AGAP1: variants seen among roughly 807,000 people sequenced by gnomAD.
AGAP1 encodes ArfGAP with GTPase domain, ankyrin repeat and PH domain 1.
A neutral mutation model predicts 105.3 loss-of-function variants in AGAP1; 29 were observed. The observed-to-expected ratio is 0.28, with a 90% CI of 0.21 to 0.38. The LOEUF is 0.38. Among genes scored for constraint, AGAP1 ranks in the 10% least tolerant of loss-of-function variants. The pLI is 1.00. For synonymous variants in AGAP1, 509 were observed against 485.9 expected, an observed-to-expected ratio of 1.05 and a Z score of -0.63; for missense variants, 998 against 1,165.1, an observed-to-expected ratio of 0.86 and a Z score of 2.09.
intron 10 of AGAP1, among the ~76,000 whole-genome samples, chr2:235,897,238 C>T (rs984416512): frequency 2.0e-5 from 3 of 152,118 alleles, no homozygotes; most frequent in African/African-American, 7.2e-5. Flanking sequence ...CAGGGTTTTG[C>T]TATGTTGGCC....
chr2:235,786,396 T>G (rs1956636847), intron 6 of AGAP1, among the ~76,000 whole-genome samples: 1 of 152,272 alleles, frequency 6.6e-6, no homozygotes, highest in South Asian at 2.1e-4. Flanking sequence ...TCTAGAAAGC[T>G]CTGCTCTTCG....
intron 13 of AGAP1, among the ~76,000 whole-genome samples, chr2:236,033,448 T>C (rs2057287187): frequency 6.6e-6 from 1 of 152,240 alleles, no homozygotes; most frequent in Non-Finnish European, 1.5e-5. Context: ...GCAATTTAAT[T>C]TGCAAGTTTT....
rs1047131446 is a variant in AGAP1 at position 235,655,066 on chromosome 2, A to G, written c.164-54113A>G. ...AATATTAATTACTATATCCAGAATG[A>G]TCCTCTTTTTTTTTTTTTTGAGTTG... On this transcript the variant is annotated intron_variant, in intron 1 of 17. Transcript: ENST00000304032. This position sits in a 1 kb window ranked among gnomAD's most constrained non-coding sequence, Gnocchi z 4.3. Among the ~76,000 whole-genome samples the G allele has an allele frequency of 3.4e-5, 5 of 146,768 alleles. No individual in the cohort carries two copies. The highest frequency in any genetic ancestry group is 7.5e-5 in the Non-Finnish European group (5 of 66,622).
chr2:235,535,181 C>T lies in AGAP1; in HGVS notation c.163+40332C>T, dbSNP rs748821873. On this transcript the variant is annotated intron_variant, in intron 1 of 17. Coordinates refer to ENST00000304032, the MANE Select transcript of AGAP1 (RefSeq NM_001037131.3). The surrounding 1 kb of genome is among the most constrained non-coding windows in gnomAD (Gnocchi z 5.1). ...GTCAGCCTCCCTCCACCGGGCCACCCGCACCAGGTTGCCTCCCATCGTTTG... is the reference window on the plus strand; with the variant it reads ...GTCAGCCTCCCTCCACCGGGCCACCTGCACCAGGTTGCCTCCCATCGTTTG... Among the ~76,000 whole-genome samples, 6 of 152,026 alleles carry T rather than the reference C, an allele frequency of 3.9e-5. No individual in the cohort carries two copies. Among genetic ancestry groups the T allele is most frequent in the Non-Finnish European group, 5.9e-5 (4 of 68,006 alleles).
chr2:235,813,535 T>G (rs1013100198), intron 9 of AGAP1, among the ~76,000 whole-genome samples: 7 of 152,250 alleles, frequency 4.6e-5, no homozygotes, highest in African/African-American at 1.7e-4. Context: ...GTGGCTCACT[T>G]CTTCGGTGTC....
chr2:235,636,268 G>A (rs1418363933), intron 1 of AGAP1, among the ~76,000 whole-genome samples: 1 of 152,006 alleles, frequency 6.6e-6, no homozygotes, highest in Non-Finnish European at 1.5e-5. Flanking sequence ...TTTATCCTTG[G>A]GGCACCTTTC....
At chr2:235,503,592 GTATT>G (rs71924780) in intron 1 of AGAP1, among the ~76,000 whole-genome samples, 7,335 of 152,124 alleles carry the variant, frequency 0.048, 588 homozygotes, top group African/African-American at 0.16. Context: ...GAACTTGTTA[GTATT>G]TATTTATTTA....
intron 3 of AGAP1, among the ~76,000 whole-genome samples, chr2:235,738,847 C>T (rs1320079880): frequency 2.6e-5 from 4 of 152,198 alleles, no homozygotes; most frequent in East Asian, 1.9e-4. Flanking sequence ...TGTGAGCCAC[C>T]GCGCCCAGCC....
At position 235,732,252 on chromosome 2, in the gene AGAP1, T is replaced by G. The variant is rs943233878; in HGVS notation, c.311-8711T>G. 2.6e-5 allele frequency among the ~76,000 whole-genome samples: 4 copies of G among 152,350 alleles called. No individual in the cohort carries two copies. The highest frequency in any genetic ancestry group is 4.4e-5 in the Non-Finnish European group (3 of 68,034). On this transcript the variant is annotated intron_variant, in intron 3 of 17. Coordinates refer to ENST00000304032, the MANE Select transcript of AGAP1 (RefSeq NM_001037131.3). The surrounding 1 kb of genome is among the most constrained non-coding windows in gnomAD (Gnocchi z 4.8). The stretch of plus-strand genomic sequence containing the variant: ...GTCAATGAACTTCTCTCTTAAATAC[T>G]TTACCTCTGTCTTTTTAATCTCATT...
intron 9 of AGAP1, among the ~76,000 whole-genome samples, chr2:235,851,860 A>G (rs952628182): frequency 1.3e-5 from 2 of 152,224 alleles, no homozygotes; most frequent in African/African-American, 2.4e-5. Context: ...GCAGTACGCC[A>G]GAGGTAATTT....
chr2:235,494,569 C>T lies in AGAP1; in HGVS notation c.-118C>T. ...TTTCTTCTCGCGCCTCCTCCGCCCGCCGCCGGCGGGCCCGGCTCCCCGGGG... is the reference window on the plus strand; with the variant it reads ...TTTCTTCTCGCGCCTCCTCCGCCCGTCGCCGGCGGGCCCGGCTCCCCGGGG... On this transcript the variant is annotated 5_prime_UTR_variant, in exon 1 of 18. Coordinates refer to ENST00000304032, the MANE Select transcript of AGAP1 (RefSeq NM_001037131.3). 5.1e-6 allele frequency: 1 copy of T among 196,400 alleles called. No individual in the cohort carries two copies. Among genetic ancestry groups the T allele is most frequent in the Non-Finnish European group, 8.8e-6 (1 of 114,134 alleles). The allele number at this position is 196,400 out of a possible 1,614,324, so 12.2% of individuals were successfully genotyped here. A position where few individuals can be genotyped will look rare whatever the true frequency, so the allele number is the denominator to read the frequency against.
chr2:235,728,802 G>A lies in AGAP1; in HGVS notation c.310+11158G>A, dbSNP rs149968673. 6.6e-6 allele frequency among the ~76,000 whole-genome samples: 1 copy of A among 152,306 alleles called. No homozygotes were observed. Among genetic ancestry groups the A allele is most frequent in the African/African-American group, 2.4e-5 (1 of 41,566 alleles). ...AGTGGAGCAAGAGCGGGGCGGGGAG[G>A]AGGGGAAGCCAGCCTGCAGCATTGC... On this transcript the variant is annotated intron_variant, in intron 3 of 17. Coordinates refer to ENST00000304032, the MANE Select transcript of AGAP1 (RefSeq NM_001037131.3). This position sits in a 1 kb window ranked among gnomAD's most constrained non-coding sequence, Gnocchi z 4.3.
intron 1 of AGAP1, among the ~76,000 whole-genome samples, chr2:235,646,654 C>T (rs914454277): frequency 1.3e-5 from 2 of 152,192 alleles, no homozygotes; most frequent in African/African-American, 4.8e-5. Context: ...TCCACCTGAT[C>T]TCTGACTTCT....
chr2:236,126,167 G>A lies in AGAP1; in HGVS notation c.*2045G>A, dbSNP rs536165184. 1 of 152,260 alleles carries A rather than the reference G, an allele frequency of 6.6e-6. No homozygotes were observed. The highest frequency in any genetic ancestry group is 1.9e-4 in the East Asian group (1 of 5,182). 9.4% of individuals were successfully genotyped at this position (152,260 alleles called of 1,614,324 possible). On this transcript the variant is annotated 3_prime_UTR_variant, in exon 18 of 18. Transcript: ENST00000304032. ...TCACTCGTATCCAAAAGTATAACAG[G>A]TGCAGAAGCCACAAGTCTGAGAACC... is the stretch of plus-strand genomic sequence containing the variant.
rs988528336 is a variant in AGAP1, at chr2:235,714,196, A to C, written c.223-3361A>C. ...AGCTGGCTAATTTTTATATTTTTTT[A>C]GTTGAGACAGGGTTTCACCATGTTG... On this transcript the variant is annotated intron_variant, in intron 2 of 17. Coordinates refer to ENST00000304032, the MANE Select transcript of AGAP1 (RefSeq NM_001037131.3). This position sits in a 1 kb window ranked among gnomAD's most constrained non-coding sequence, Gnocchi z 4.1. 6.6e-6 allele frequency among the ~76,000 whole-genome samples: 1 copy of C among 151,846 alleles called. No individual in the cohort carries two copies. The highest frequency in any genetic ancestry group is 1.5e-5 in the Non-Finnish European group (1 of 67,974).
intron 16 of AGAP1, among the ~76,000 whole-genome samples, chr2:236,097,760 A>G (rs2059230893): frequency 6.6e-6 from 1 of 152,166 alleles, no homozygotes; most frequent in African/African-American, 2.4e-5. Flanking sequence ...CATCACGACC[A>G]TCCATCTCCA....
At position 235,804,209 on chromosome 2, in the gene AGAP1, T is replaced by C. The variant is rs564516822; in HGVS notation, c.958-3030T>C. Among the ~76,000 whole-genome samples the C allele has an allele frequency of 3.9e-5, 6 of 152,368 alleles. No individual in the cohort carries two copies. The East Asian group carries it at 7.7e-4, about 20-fold the overall frequency. ...GTCTATATTATCTGTGTCCATGCTG[T>C]AAACTTGTTCTAGTGTGAGTCTTGA... On this transcript the variant is annotated intron_variant, in intron 8 of 17. Coordinates refer to ENST00000304032, the MANE Select transcript of AGAP1 (RefSeq NM_001037131.3).
intron 9 of AGAP1, among the ~76,000 whole-genome samples, chr2:235,809,136 C>T (rs1051895226): frequency 8.5e-5 from 13 of 152,080 alleles, no homozygotes; most frequent in African/African-American, 3.1e-4. Flanking sequence ...ACCAGCCTGG[C>T]GGGAGTCCCT....
chr2:235,672,031 G>A (rs902958315), intron 1 of AGAP1, among the ~76,000 whole-genome samples: 4 of 151,148 alleles, frequency 2.6e-5, no homozygotes, highest in Admixed American at 1.3e-4. Context: ...CAGACAAGAG[G>A]CCATGCATTT....
Sources: allele counts gnomAD v4.1 joint callset (sites outside exome capture counted in the v4.1 genomes callset), GRCh38; gene constraint gnomAD v4.1.1; non-coding constraint Gnocchi (gnomAD v3.1); transcripts MANE v1.5; gene names NCBI Gene and HGNC (gene_info 2026-07-23, HGNC 2026-07-21).